NCOA7: variants seen among roughly 807,000 people sequenced by gnomAD.
NCOA7 encodes 140 kDa estrogen receptor-associated protein.
Under a neutral mutation model 104.3 loss-of-function variants are expected in NCOA7, and 45 were observed. The ratio of observed to expected loss-of-function variants is 0.43; its 90% CI spans 0.34 to 0.55. NCOA7 has a LOEUF of 0.55. Ranked by LOEUF, NCOA7 falls within the 20% of genes least tolerant of loss-of-function variation. NCOA7 has a pLI of 0.02. For missense variants in NCOA7, 1,041 were observed against 1,119.7 expected (o/e 0.93, Z 1.00); for synonymous variants, 398 against 402.3 (o/e 0.99, Z 0.13).
intron 2 of NCOA7, among the ~76,000 whole-genome samples, chr6:125,820,299 T>A (rs575525320): frequency 6.6e-6 from 1 of 152,350 alleles, no homozygotes; most frequent in East Asian, 1.9e-4. Context: ...TGTTTGCAGT[T>A]CACTCCAGTG....
At chr6:125,845,344 C>T (rs560481443) in intron 2 of NCOA7, among the ~76,000 whole-genome samples, 6 of 152,272 alleles carry the variant, frequency 3.9e-5, no homozygotes, top group Admixed American at 1.3e-4. Flanking sequence ...AAGAATGAAC[C>T]ACTAAACAAG....
intron 3 of NCOA7, among the ~76,000 whole-genome samples, chr6:125,857,625 A>G (rs1253671109): frequency 6.6e-6 from 1 of 151,808 alleles, no homozygotes; most frequent in East Asian, 1.9e-4. Context: ...CCATGGCACA[A>G]TCTCAGCTCA....
upstream of NCOA7, among the ~76,000 whole-genome samples, chr6:125,788,540 C>CTTTTT (rs59616110): frequency 7.1e-6 from 1 of 141,556 alleles, no homozygotes; most frequent in Non-Finnish European, 1.5e-5. Flanking sequence ...TTTGGAAGAC[C>CTTTTT]TTTTTTTTTT....
chr6:125,881,637 C>G (rs1783832963), intron 6 of NCOA7, among the ~76,000 whole-genome samples: 1 of 145,740 alleles, frequency 6.9e-6, no homozygotes, highest in Non-Finnish European at 1.5e-5. Flanking sequence ...TACCACTGCA[C>G]TCTAGCCTGG....
At chr6:125,836,563 C>T (rs949438200) in intron 2 of NCOA7, among the ~76,000 whole-genome samples, 37 of 152,266 alleles carry the variant, frequency 2.4e-4, no homozygotes, top group Non-Finnish European at 4.3e-4. Context: ...TCTTCAAAAC[C>T]GCCTTTAACT....
chr6:125,838,166 G>A (rs1779790464), intron 2 of NCOA7, among the ~76,000 whole-genome samples: 1 of 152,256 alleles, frequency 6.6e-6, no homozygotes, highest in African/African-American at 2.4e-5. Flanking sequence ...GTGTTTGGGA[G>A]ACCATGAAGT....
chr6:125,831,069 C>CCT (rs1779146999), intron 2 of NCOA7, among the ~76,000 whole-genome samples: 1 of 152,050 alleles, frequency 6.6e-6, no homozygotes, highest in Admixed American at 6.6e-5. Context: ...AATTGGAAAG[C>CCT]TTTATGCATT....
At chr6:125,812,677 A>G (rs17053573) in intron 1 of NCOA7, among the ~76,000 whole-genome samples, 6,193 of 152,206 alleles carry the variant, frequency 0.041, 400 homozygotes, top group African/African-American at 0.14. Flanking sequence ...CGTCTGGTGA[A>G]TGTCTCCAAC....
At chr6:125,840,868 G>GGTTTT (rs1780075330) in intron 2 of NCOA7, among the ~76,000 whole-genome samples, 1 of 40,340 alleles carries the variant, frequency 2.5e-5, no homozygotes, top group African/African-American at 1.0e-4. Flanking sequence ...TGTTTGGTTG[G>GGTTTT]TTTTTTTTTT....
intron 2 of NCOA7, among the ~76,000 whole-genome samples, chr6:125,843,167 T>C (rs1780313628): frequency 1.3e-5 from 2 of 152,222 alleles, no homozygotes. Context: ...ATTGTCTGAA[T>C]GGGTCCTATA....
chr6:125,798,273 A>G (rs970896463), intron 1 of NCOA7: 1 of 152,242 alleles, frequency 6.6e-6, no homozygotes, highest in African/African-American at 2.4e-5. Flanking sequence ...AGAGCCACTT[A>G]TGTGGCTTGG....
chr6:125,814,954 A>AT (rs889099499), intron 1 of NCOA7, among the ~76,000 whole-genome samples: 173 of 151,902 alleles, frequency 1.1e-3, no homozygotes, highest in African/African-American at 3.7e-3. Context: ...TATGAGTTCA[A>AT]TTTTTTTTTA....
chr6:125,887,390 G>C (rs1784338242), intron 8 of NCOA7, among the ~76,000 whole-genome samples: 1 of 152,172 alleles, frequency 6.6e-6, no homozygotes, highest in Non-Finnish European at 1.5e-5. Flanking sequence ...CATCTCCTGG[G>C]ATGCTGATGT....
chr6:125,878,207 T>C (rs1783536651), intron 4 of NCOA7, 56 bp from the exon 5 acceptor site: 2 of 1,163,276 alleles, frequency 1.7e-6, no homozygotes, highest in South Asian at 3.2e-5. Context: ...ATAGTATCTA[T>C]CAAAAGTAAT....
At chr6:125,867,026 G>A (rs1309144440) in intron 3 of NCOA7, among the ~76,000 whole-genome samples, 2 of 152,152 alleles carry the variant, frequency 1.3e-5, no homozygotes, top group Non-Finnish European at 2.9e-5. Context: ...CTACTTAGGA[G>A]TATTATATCC....
intron 1 of NCOA7, among the ~76,000 whole-genome samples, chr6:125,800,854 C>G (rs1775818701): frequency 6.6e-6 from 1 of 152,198 alleles, no homozygotes; most frequent in Non-Finnish European, 1.5e-5. Context: ...TGGTGAAACC[C>G]TGTCTCTACT....
At chr6:125,881,338 C>T in intron 6 of NCOA7, 135 bp downstream of exon 6, 1 of 703,308 alleles carries the variant, frequency 1.4e-6, no homozygotes, top group Non-Finnish European at 2.4e-6. Flanking sequence ...TTGGAGAATG[C>T]ATCCTCTCCA....
chr6:125,921,908 G>C (rs1787620305), intron 12 of NCOA7, among the ~76,000 whole-genome samples: 1 of 152,114 alleles, frequency 6.6e-6, no homozygotes, highest in South Asian at 2.1e-4. Flanking sequence ...ACTGTAGTAA[G>C]GAATCCCTGG....
At chr6:125,815,137 A>C (rs774535535) in intron 1 of NCOA7, 154 bp from the exon 2 acceptor site, 1 of 367,726 alleles carries the variant, frequency 2.7e-6, no homozygotes, top group East Asian at 4.2e-5. Flanking sequence ...TCTCCCATGG[A>C]CATTTGCATT....
Sources: allele counts gnomAD v4.1 joint callset (sites outside exome capture counted in the v4.1 genomes callset), GRCh38; gene constraint gnomAD v4.1.1; transcripts MANE v1.5; gene names NCBI Gene and HGNC (gene_info 2026-07-23, HGNC 2026-07-21).